DNAH14: variants seen among roughly 807,000 people sequenced by gnomAD.
The protein encoded by DNAH14 is axonemal beta dynein heavy chain 14.
DNAH14 carries 478 observed loss-of-function variants against 520.9 expected under a neutral mutation model. The ratio of observed to expected loss-of-function variants is 0.92; its 90% CI spans 0.85 to 0.99. DNAH14 has a LOEUF of 0.99. Among genes scored for constraint, DNAH14 ranks in the 50% least tolerant of loss-of-function variants. The pLI, the probability that DNAH14 is intolerant of heterozygous loss-of-function variation, is 0.00. For missense variants in DNAH14, 4,831 were observed against 5,234.5 expected (o/e 0.92, Z 2.38); for synonymous variants, 1,581 against 1,757.2 (o/e 0.90, Z 2.51).
chr1:225,159,340 C>T lies in DNAH14; in HGVS notation c.5300C>T (p.Ala1767Val), dbSNP rs2081327867. Residue 1767 changes from alanine to valine, a missense_variant, in exon 35 of 86, where the codon GCA (alanine) becomes GTA (valine). Coordinates refer to ENST00000682510, the MANE Select transcript of DNAH14 (RefSeq NM_001367479.1). The part of the protein sequence containing the change: ...KCDTSDSLSE[A>V]DETLIVIEAI... Reference sequence around the variant, plus strand: ...GATACCAGTGACAGTCTTTCTGAAGCAGATGAAACCTTGATTGTTATCGAG... The same window carrying T: ...GATACCAGTGACAGTCTTTCTGAAGTAGATGAAACCTTGATTGTTATCGAG... 3 of 1,551,332 alleles carry T rather than the reference C, an allele frequency of 1.9e-6. No individual in the cohort carries two copies.
At chr1:225,269,454 G>T (rs2093240654) in intron 49 of DNAH14, among the ~76,000 whole-genome samples, 1 of 152,162 alleles carries the variant, frequency 6.6e-6, no homozygotes, top group Non-Finnish European at 1.5e-5. Context: ...AAAAGCAATG[G>T]CAACAAAAGC....
chr1:225,093,741 T>C (rs191097376), intron 21 of DNAH14, among the ~76,000 whole-genome samples: 286 of 152,150 alleles, frequency 1.9e-3, no homozygotes, highest in Non-Finnish European at 3.1e-3. Context: ...ATGCCACAAT[T>C]TCTGCACAAA....
At chr1:225,312,317 T>C (rs2094384271) in intron 60 of DNAH14, among the ~76,000 whole-genome samples, 1 of 152,196 alleles carries the variant, frequency 6.6e-6, no homozygotes, top group Admixed American at 6.5e-5. Context: ...ACTGCTGAAG[T>C]TGCTTATCAG....
chr1:224,986,264 A>C (rs866550937), intron 8 of DNAH14, among the ~76,000 whole-genome samples: 1 of 150,956 alleles, frequency 6.6e-6, no homozygotes, highest in Non-Finnish European at 1.5e-5. Context: ...ATATTTCCAG[A>C]CTCATTGTAT....
intron 18 of DNAH14, 44 bp from the exon 19 acceptor site, chr1:225,080,335 A>G: frequency 6.8e-7 from 1 of 1,477,190 alleles, no homozygotes; most frequent in Non-Finnish European, 9.0e-7. Flanking sequence ...AGTACGTTCT[A>G]GACATACTGA....
intron 43 of DNAH14, among the ~76,000 whole-genome samples, chr1:225,241,483 GTC>G (rs1558131283): frequency 6.6e-6 from 1 of 152,198 alleles, no homozygotes; most frequent in Admixed American, 6.5e-5. Flanking sequence ...TGAGGTTACA[GTC>G]ATACATTGCT....
At chr1:225,357,768 G>A in intron 73 of DNAH14, 1 of 701,522 alleles carries the variant, frequency 1.4e-6, no homozygotes, top group South Asian at 1.5e-5. Context: ...CATCAAACAG[G>A]CACACTGACG....
At chr1:225,044,250 A>G (rs1197311896) in intron 15 of DNAH14, among the ~76,000 whole-genome samples, 1 of 152,184 alleles carries the variant, frequency 6.6e-6, no homozygotes, top group African/African-American at 2.4e-5. Context: ...ATAGAATGTT[A>G]TGACACTTAA....
chr1:225,078,012 A>G (rs1358989779), intron 17 of DNAH14, among the ~76,000 whole-genome samples: 2 of 152,244 alleles, frequency 1.3e-5, no homozygotes, highest in African/African-American at 2.4e-5. Context: ...ACATAAAATT[A>G]TGCAGGCATA....
At position 225,272,977 on chromosome 1, in the gene DNAH14, C is replaced by T; in HGVS notation, c.7862C>T (p.Ala2621Val). ...MFKLLLGLLQADRTVVNSKEM... is the reference protein window; with the variant it reads ...MFKLLLGLLQVDRTVVNSKEM... ...CAGCTTCTCCTAGGATTGCTGCAAGCTGACAGGACTGTTGTTAACTCCAAA... is the reference window on the plus strand; with the variant it reads ...CAGCTTCTCCTAGGATTGCTGCAAGTTGACAGGACTGTTGTTAACTCCAAA... The change falls in exon 52 of 86, where the codon GCT becomes GTT. Residue 2621 changes from alanine to valine, a missense_variant. Transcript: ENST00000682510. The T allele has an allele frequency of 6.5e-7, 1 of 1,539,314 alleles. No individual in the cohort carries two copies. Among genetic ancestry groups the T allele is most frequent in the Non-Finnish European group, 8.7e-7 (1 of 1,143,830 alleles).
chr1:225,353,936 C>A (rs941301703), intron 73 of DNAH14, 48 bp downstream of exon 73: 2 of 1,084,508 alleles, frequency 1.8e-6, no homozygotes, highest in Admixed American at 2.6e-5. Flanking sequence ...ATTTTGAGTG[C>A]TTTATTAGTA....
chr1:225,282,238 A>T (rs1410192676), intron 54 of DNAH14, among the ~76,000 whole-genome samples: 2 of 152,246 alleles, frequency 1.3e-5, no homozygotes, highest in African/African-American at 4.8e-5. Context: ...GACCTGCAGG[A>T]GGTCCATGAG....
At chr1:225,063,423 TAAAAA>T (rs2070438737) in intron 17 of DNAH14, among the ~76,000 whole-genome samples, 1 of 152,170 alleles carries the variant, frequency 6.6e-6, no homozygotes, top group Admixed American at 6.5e-5. Context: ...TGTTGTTTTT[TAAAAA>T]CACTTTCCAT....
chr1:225,264,395 C>A, intron 47 of DNAH14, 134 bp downstream of exon 47: 1 of 791,296 alleles, frequency 1.3e-6, no homozygotes, highest in Non-Finnish European at 2.0e-6. Context: ...GTCTCAAAAA[C>A]TATCCCACAC....
At chr1:224,970,396 G>T (rs2061435191) in intron 7 of DNAH14, among the ~76,000 whole-genome samples, 1 of 152,100 alleles carries the variant, frequency 6.6e-6, no homozygotes, top group East Asian at 1.9e-4. Flanking sequence ...CGGTCCTGTG[G>T]TCCTGTGATG....
intron 69 of DNAH14, among the ~76,000 whole-genome samples, chr1:225,344,434 G>A (rs2095254003): frequency 6.6e-6 from 1 of 152,040 alleles, no homozygotes; most frequent in Non-Finnish European, 1.5e-5. Context: ...ATGTGTCCAT[G>A]TGTTCTCATC....
intron 34 of DNAH14, among the ~76,000 whole-genome samples, chr1:225,155,908 A>G (rs1336587979): frequency 6.6e-6 from 1 of 152,182 alleles, no homozygotes; most frequent in Non-Finnish European, 1.5e-5. Flanking sequence ...ATTTTTTGTT[A>G]TCAGAGTAAA....
chr1:225,119,663 T>C (rs1236098940), intron 26 of DNAH14, among the ~76,000 whole-genome samples: 1 of 152,188 alleles, frequency 6.6e-6, no homozygotes, highest in Non-Finnish European at 1.5e-5. Flanking sequence ...GTTCTACTTT[T>C]ACTTCCTAGG....
At chr1:225,335,174 CATGTGCGCATGTGT>C (rs1558424045) in intron 66 of DNAH14, among the ~76,000 whole-genome samples, 9 of 136,654 alleles carry the variant, frequency 6.6e-5, no homozygotes, top group Non-Finnish European at 6.6e-5. Context: ...TGCATGTGTA[CATGTGCGCATGTGT>C]GTATATATGC....
Sources: gnomAD v4.1 joint callset for allele counts (sites outside exome capture counted in the v4.1 genomes callset) on GRCh38, gnomAD v4.1.1 for gene constraint, MANE v1.5 for transcripts, NCBI Gene and HGNC (gene_info 2026-07-23, HGNC 2026-07-21) for gene names.